The following NCAPH variants were observed in gnomAD, a reference collection of about 807,000 sequenced individuals.
The protein encoded by NCAPH is non-SMC condensin I complex subunit H.
NCAPH carries 38 observed loss-of-function variants against 85.5 expected under a neutral mutation model. The ratio of observed to expected loss-of-function variants is 0.44; its 90% CI spans 0.34 to 0.58. NCAPH has a LOEUF of 0.58. NCAPH is among the 20% of genes least tolerant of loss of function. The probability of loss-of-function intolerance (pLI) is 0.01; values close to 1 mark genes in which losing one functional copy is unlikely to be tolerated. For missense variants in NCAPH, 789 were observed against 916.6 expected, an observed-to-expected ratio of 0.86 and a Z score of 1.80; for synonymous variants, 301 against 335.1, an observed-to-expected ratio of 0.90 and a Z score of 1.11.
At chr2:96,342,631 A>C in intron 3 of NCAPH, 125 bp from the exon 4 acceptor site, 1 of 763,994 alleles carries the variant, frequency 1.3e-6, no homozygotes. Flanking sequence ...GTTTTTGGGA[A>C]GAGAGATCAG....
intron 14 of NCAPH, among the ~76,000 whole-genome samples, chr2:96,366,367 A>C (rs1343888983): frequency 6.6e-6 from 1 of 152,248 alleles, no homozygotes; most frequent in Non-Finnish European, 1.5e-5. Context: ...CTAGCTAGCT[A>C]GCTGTGTGGC....
At chr2:96,340,493 C>T (rs1573062234) in intron 1 of NCAPH, among the ~76,000 whole-genome samples, 2 of 148,256 alleles carry the variant, frequency 1.3e-5, no homozygotes, top group South Asian at 2.1e-4. Flanking sequence ...CGGGTTCAAG[C>T]GATTATCTTG....
At chr2:96,355,453 G>A (rs1236791365) in intron 9 of NCAPH, among the ~76,000 whole-genome samples, 1 of 151,994 alleles carries the variant, frequency 6.6e-6, no homozygotes, top group Admixed American at 6.6e-5. Flanking sequence ...GACCCTGCTC[G>A]GATGTCTTTC....
At chr2:96,370,994 T>G (rs1025744200) in intron 17 of NCAPH, among the ~76,000 whole-genome samples, 2 of 152,196 alleles carry the variant, frequency 1.3e-5, no homozygotes, top group African/African-American at 2.4e-5. Context: ...ATGCCCGTGG[T>G]TATGGGAGGT....
intron 12 of NCAPH, among the ~76,000 whole-genome samples, chr2:96,361,783 C>CACATATATAT (rs2064619561): frequency 8.8e-6 from 1 of 113,212 alleles, no homozygotes; most frequent in South Asian, 2.5e-4. Context: ...TATATATATA[C>CACATATATAT]ACATATATAT....
Position 96,341,721 on chromosome 2 carries a change from G to T in NCAPH, c.99G>T (p.Val33=), listed in dbSNP as rs561015827. 98 of 1,614,108 alleles carry T rather than the reference G, an allele frequency of 6.1e-5. 1 individual carries two copies. In the Middle Eastern group the frequency reaches 1.5e-3, roughly 24 times the overall value. Reference sequence around the variant, plus strand: ...GTGCCTCCTCTCCTTCAGAGCGTGTGTTCCCGATGCCCCTGCCCAGGAAGG... The same window carrying T: ...GTGCCTCCTCTCCTTCAGAGCGTGTTTTCCCGATGCCCCTGCCCAGGAAGG... ...PHSASSPSER[V]FPMPLPRKAP... is the part of the protein sequence containing the mutation. Residue 33 remains valine, a synonymous_variant, in exon 2 of 18, where the codon GTG becomes GTT. Coordinates refer to ENST00000240423, the MANE Select transcript of NCAPH (RefSeq NM_015341.5).
intron 16 of NCAPH, 67 bp from the exon 17 acceptor site, chr2:96,369,358 T>A (rs1324805837): frequency 7.5e-7 from 1 of 1,339,898 alleles, no homozygotes; most frequent in African/African-American, 1.4e-5. Context: ...GTATTATTCA[T>A]ACTTGATGAA....
rs1341097703 is a variant in NCAPH at position 96,335,863 on chromosome 2, C to T, written c.19+15C>T. On this transcript the variant is annotated intron_variant, in intron 1 of 17. Transcript: ENST00000240423. ...TCCCGGCCCAGGTGAGCCGGGCGGTCGGGAGGCGCGGCGGGAAGGGCCCCT... is the reference window on the plus strand; with the variant it reads ...TCCCGGCCCAGGTGAGCCGGGCGGTTGGGAGGCGCGGCGGGAAGGGCCCCT... 2.0e-6 allele frequency: 3 copies of T among 1,473,034 alleles called. No homozygotes were observed. Among genetic ancestry groups the T allele is most frequent in the Non-Finnish European group, 2.7e-6 (3 of 1,114,390 alleles). 91.2% of individuals were successfully genotyped at this position (1,473,034 alleles called of 1,614,324 possible).
chr2:96,352,112 T>C, intron 7 of NCAPH, 92 bp downstream of exon 7: 1 of 1,290,968 alleles, frequency 7.7e-7, no homozygotes, highest in Non-Finnish European at 1.1e-6. Context: ...ATCATGCTCT[T>C]ATGTTGCTTA....
In NCAPH at chr2:96,367,293, A is replaced by G. The variant is rs768731823; in HGVS notation, c.1918A>G (p.Lys640Glu). ...KIEIHYAKTA[K>E]KMDMKKLKQS... The stretch of plus-strand genomic sequence containing the variant: ...TGAAATTCACTATGCCAAGACTGCC[A>G]AAAAGATGGACATGAAGAAACTGAA... The change falls in exon 15 of 18, where the codon AAA (lysine) becomes GAA (glutamate). Residue 640 changes from lysine (K) to glutamate (E), a missense_variant. Physicochemically the swap from Lys to Glu is moderately conservative, Grantham distance 56. Transcript: ENST00000240423. 17 of 1,613,102 alleles carry G rather than the reference A, an allele frequency of 1.1e-5. No individual in the cohort carries two copies. The highest frequency in any genetic ancestry group is 1.3e-5 in the African/African-American group (1 of 74,914).
intron 14 of NCAPH, 56 bp from the exon 15 acceptor site, chr2:96,367,201 T>A: frequency 7.8e-7 from 1 of 1,277,160 alleles, no homozygotes; most frequent in South Asian, 1.2e-5. Context: ...TACAGTGAAT[T>A]ATGGTAAAAG....
chr2:96,336,018 C>G lies in NCAPH; in HGVS notation c.19+170C>G, dbSNP rs373832025. 6.3e-3 allele frequency among the ~76,000 whole-genome samples: 912 copies of G among 144,756 alleles called. 10 individuals carry two copies. The highest frequency in any genetic ancestry group is 0.022 in the African/African-American group (872 of 40,226). The allele number at this position is 144,756 out of a possible 152,430, so 95.0% of individuals were successfully genotyped here. On this transcript the variant is annotated intron_variant, in intron 1 of 17. Coordinates refer to ENST00000240423, the MANE Select transcript of NCAPH (RefSeq NM_015341.5). ...GTGCGGGGGGAGGGGAGGGCCGGCG[C>G]GGGGCGGGCGGACCTTGTGCGCTCA... is the stretch of plus-strand genomic sequence containing the variant.
Position 96,353,363 on chromosome 2 carries a change from A to G in NCAPH, c.968A>G (p.Gln323Arg), listed in dbSNP as rs139592098. 284 of 1,614,236 alleles carry G rather than the reference A, an allele frequency of 1.8e-4. 3 individuals carry two copies. In the East Asian group the frequency reaches 6.3e-3, roughly 36 times the overall value. The change falls in exon 8 of 18, where the codon CAG becomes CGG. Residue 323 changes from glutamine (Q) to arginine (R), a missense_variant. Physicochemically the swap from Gln to Arg is conservative, Grantham distance 43. Transcript: ENST00000240423. ...RQICPSLAGF[Q>R]FTQWDSETHN... ...ATCTGCCCTTCCCTGGCCGGGTTCC[A>G]GTTTACACAGTGGGACAGTGAAACA...
intron 5 of NCAPH, 34 bp downstream of exon 5, chr2:96,343,338 T>G: frequency 6.3e-7 from 1 of 1,591,748 alleles, no homozygotes; most frequent in Non-Finnish European, 8.6e-7. Context: ...TAAGTGGCTC[T>G]TTTTAGGGCA....
At chr2:96,351,803 C>G in intron 6 of NCAPH, 28 bp from the exon 7 acceptor site, 2 of 1,550,230 alleles carry the variant, frequency 1.3e-6, no homozygotes, top group Non-Finnish European at 1.7e-6. Flanking sequence ...TGCCGTAAAT[C>G]TTCAGTTTCT....
At chr2:96,373,252 C>T (rs779726363) in intron 17 of NCAPH, 40 bp from the exon 18 acceptor site, 1 of 1,535,578 alleles carries the variant, frequency 6.5e-7, no homozygotes, top group Admixed American at 1.7e-5. Context: ...CTTTTATTCT[C>T]CGTATACCAA....
At chr2:96,336,892 G>A (rs192333588) in intron 1 of NCAPH, among the ~76,000 whole-genome samples, 7 of 152,320 alleles carry the variant, frequency 4.6e-5, no homozygotes. Context: ...AAAGACAGTG[G>A]TATAGGAAGA....
At chr2:96,346,342 T>TA (rs555953291) in intron 6 of NCAPH, among the ~76,000 whole-genome samples, 78 of 152,226 alleles carry the variant, frequency 5.1e-4, no homozygotes, top group African/African-American at 1.9e-3. Context: ...GTGTGACTGT[T>TA]AGACAACTTA....
In NCAPH at chr2:96,344,335, C is replaced by T. The variant is rs1286704318; in HGVS notation, c.720+106C>T. On this transcript the variant is annotated intron_variant, in intron 6 of 17. Coordinates refer to ENST00000240423, the MANE Select transcript of NCAPH (RefSeq NM_015341.5). The stretch of plus-strand genomic sequence containing the variant: ...TGCTGGTATGTGCCTGTTTAAGCCT[C>T]AAGGGAGTAAAATATTCAACTGATA... The T allele has an allele frequency of 5.6e-5, 73 of 1,314,796 alleles. 1 individual carries two copies. In the South Asian group the frequency reaches 1.2e-3, roughly 21 times the overall value. 81.4% of individuals were successfully genotyped at this position (1,314,796 alleles called of 1,614,324 possible).
Sources: allele counts gnomAD v4.1 joint callset (sites outside exome capture counted in the v4.1 genomes callset), GRCh38; gene constraint gnomAD v4.1.1; transcripts MANE v1.5; gene names NCBI Gene and HGNC (gene_info 2026-07-23, HGNC 2026-07-21).